The following MYOM2 variants were observed in gnomAD, a reference collection of about 807,000 sequenced individuals.
The protein encoded by MYOM2 is myomesin 2, also known as myomesin-2.
A neutral mutation model predicts 187.6 loss-of-function variants in MYOM2; 254 were observed. The observed-to-expected ratio is 1.35, with a 90% CI of 1.22 to 1.50. MYOM2 has a LOEUF of 1.50. MYOM2 is among the 40% of genes most tolerant of loss of function. The pLI, the probability that MYOM2 is intolerant of heterozygous loss-of-function variation, is 0.00. For synonymous variants in MYOM2, 981 were observed against 753.8 expected (o/e 1.30, Z -4.94); for missense variants, 2,796 against 1,924.0 (o/e 1.45, Z -8.48).
chr8:2,079,823 G>A (rs567022439), intron 13 of MYOM2, among the ~76,000 whole-genome samples: 37 of 152,314 alleles, frequency 2.4e-4, no homozygotes, highest in African/African-American at 8.4e-4. Context: ...GTGGGAGAAA[G>A]GGTGAAGGAT....
chr8:2,110,583 A>T (rs1428429529), intron 25 of MYOM2, among the ~76,000 whole-genome samples: 4 of 152,006 alleles, frequency 2.6e-5, no homozygotes. Flanking sequence ...CAGAGCCCCC[A>T]TCTTTACTGC....
intron 32 of MYOM2, among the ~76,000 whole-genome samples, chr8:2,133,880 G>C (rs1387097155): frequency 1.3e-5 from 2 of 151,686 alleles, no homozygotes; most frequent in Non-Finnish European, 2.9e-5. Flanking sequence ...ATCGTTCACT[G>C]TGAAATAATT....
chr8:2,126,502 G>T (rs996423838), intron 31 of MYOM2, among the ~76,000 whole-genome samples: 12 of 151,968 alleles, frequency 7.9e-5, no homozygotes, highest in African/African-American at 2.9e-4. Context: ...ACTTACATGT[G>T]AACTCACACA....
rs779920591 is a variant in MYOM2 at position 2,116,014 on chromosome 8, C to T, written c.3235C>T (p.Arg1079Ter). 97 of 1,613,358 alleles carry T rather than the reference C, an allele frequency of 6.0e-5. No homozygotes were observed. Among genetic ancestry groups the T allele is most frequent in the Middle Eastern group, 1.6e-4 (1 of 6,084 alleles). ...ATGIIEMVMD[R>*]FSIENEGTYT... ...TGGCATTATTGAGATGGTGATGGATCGATTTAGTATTGAAAATGAGGGGAC... is the reference window on the plus strand; with the variant it reads ...TGGCATTATTGAGATGGTGATGGATTGATTTAGTATTGAAAATGAGGGGAC... The change falls in exon 26 of 37, where the codon CGA becomes TGA. Residue 1079 changes from arginine to a stop codon, truncating the protein, a stop_gained. Coordinates refer to ENST00000262113, the MANE Select transcript of MYOM2 (RefSeq NM_003970.4). LOFTEE classifies it high-confidence loss of function.
intron 18 of MYOM2, among the ~76,000 whole-genome samples, 160 bp from the exon 19 acceptor site, chr8:2,098,697 G>A (rs945310795): frequency 1.3e-5 from 2 of 152,140 alleles, no homozygotes; most frequent in African/African-American, 4.8e-5. Flanking sequence ...GCAGCTCGTC[G>A]GCCACATCGA....
At chr8:2,053,762 C>T (rs750400699) in intron 3 of MYOM2, among the ~76,000 whole-genome samples, 13 of 152,274 alleles carry the variant, frequency 8.5e-5, no homozygotes, top group South Asian at 2.1e-4. Context: ...GTAGTAGAGA[C>T]GGGGGACGAA....
chr8:2,129,517 C>T (rs1279085320), intron 32 of MYOM2, among the ~76,000 whole-genome samples: 3 of 152,296 alleles, frequency 2.0e-5, no homozygotes, highest in African/African-American at 4.8e-5. Flanking sequence ...CACAGATTTT[C>T]TCTGGAAGCG....
intron 11 of MYOM2, among the ~76,000 whole-genome samples, chr8:2,077,657 C>T (rs1232111783): frequency 6.6e-6 from 1 of 152,104 alleles, no homozygotes; most frequent in Non-Finnish European, 1.5e-5. Context: ...TCTCCTGGGA[C>T]AGCTGATAAG....
At chr8:2,136,928 G>A (rs1330040934) in intron 32 of MYOM2, among the ~76,000 whole-genome samples, 1 of 152,094 alleles carries the variant, frequency 6.6e-6, no homozygotes, top group Admixed American at 6.6e-5. Flanking sequence ...GTGGCCCAGT[G>A]AATTTCACCT....
intron 6 of MYOM2, 129 bp downstream of exon 6, chr8:2,059,374 T>A (rs1818777785): frequency 1.4e-6 from 1 of 703,502 alleles, no homozygotes; most frequent in Non-Finnish European, 2.4e-6. Context: ...TGACTTTAAA[T>A]AGCATTTATG....
At chr8:2,077,184 C>T (rs548173842) in intron 11 of MYOM2, among the ~76,000 whole-genome samples, 2 of 152,148 alleles carry the variant, frequency 1.3e-5, no homozygotes, top group South Asian at 4.2e-4. Flanking sequence ...CTGGCATGTG[C>T]TTATAATCCC....
intron 6 of MYOM2, among the ~76,000 whole-genome samples, chr8:2,059,509 G>A (rs576528217): frequency 6.6e-6 from 1 of 152,274 alleles, no homozygotes; most frequent in East Asian, 1.9e-4. Flanking sequence ...TGGGTGGAAA[G>A]GCTGCCATGC....
intron 10 of MYOM2, among the ~76,000 whole-genome samples, 167 bp downstream of exon 10, chr8:2,073,667 CA>C (rs1454533316): frequency 6.6e-6 from 1 of 152,226 alleles, no homozygotes; most frequent in African/African-American, 2.4e-5. Flanking sequence ...ATGGGCACGC[CA>C]GGTGCTTCCT....
chr8:2,123,672 C>A, intron 30 of MYOM2, 30 bp downstream of exon 30: 1 of 1,585,834 alleles, frequency 6.3e-7, no homozygotes. Flanking sequence ...GTTCTGTGAA[C>A]AAGAAATTCC....
At chr8:2,066,195 C>T (rs534020289) in intron 6 of MYOM2, among the ~76,000 whole-genome samples, 8 of 152,310 alleles carry the variant, frequency 5.3e-5, no homozygotes, top group South Asian at 2.1e-4. Flanking sequence ...AGCAGGGTCA[C>T]GTGCAGCGGT....
intron 21 of MYOM2, 139 bp from the exon 22 acceptor site, chr8:2,106,103 C>A: frequency 1.2e-6 from 1 of 818,328 alleles, no homozygotes; most frequent in Non-Finnish European, 1.9e-6. Flanking sequence ...AATCACCTCA[C>A]TCCCTCTACA....
chr8:2,133,563 T>A (rs919247345), intron 32 of MYOM2, among the ~76,000 whole-genome samples: 2 of 152,188 alleles, frequency 1.3e-5, no homozygotes, highest in Admixed American at 1.3e-4. Flanking sequence ...TGGGTTCAAG[T>A]GATTCTCCCA....
chr8:2,123,543 T>G lies in MYOM2; in HGVS notation c.3568-12T>G. On this transcript the variant is annotated splice_polypyrimidine_tract_variant and intron_variant, in intron 29 of 36. Transcript: ENST00000262113. ...TGACTTTACATAAATATGGAATGTG[T>G]TTTCTTTGTAGTTGTCAAAGAAGGA... 1 of 1,609,680 alleles carries G rather than the reference T, an allele frequency of 6.2e-7. No individual in the cohort carries two copies. The highest frequency in any genetic ancestry group is 2.2e-5 in the East Asian group (1 of 44,858).
chr8:2,111,012 C>G (rs761817700), intron 25 of MYOM2, among the ~76,000 whole-genome samples: 4 of 152,228 alleles, frequency 2.6e-5, no homozygotes, highest in Non-Finnish European at 5.9e-5. Context: ...CTATGGGAGA[C>G]TTACTGTCTG....
Sources: allele counts gnomAD v4.1 joint callset (sites outside exome capture counted in the v4.1 genomes callset), GRCh38; gene constraint gnomAD v4.1.1; transcripts MANE v1.5; gene names NCBI Gene and HGNC (gene_info 2026-07-23, HGNC 2026-07-21).